The following FGD4 variants were observed in gnomAD, a reference collection of about 807,000 sequenced individuals.
FGD4 encodes the protein FYVE, RhoGEF and PH domain containing 4.
In FGD4, 42 loss-of-function variants were observed where a neutral mutation model predicts 102.0. That is an observed-to-expected ratio of 0.41 (90% CI 0.32 to 0.53). The LOEUF is 0.53. FGD4 is among the 20% of genes least tolerant of loss of function. The pLI is 0.21. For missense variants in FGD4, 902 were observed against 1,078.2 expected (o/e 0.84, Z 2.29); for synonymous variants, 380 against 375.7 (o/e 1.01, Z -0.13).
chr12:32,602,469 T>A (rs1191746842), intron 7 of FGD4, 152 bp downstream of exon 7: 1 of 827,468 alleles, frequency 1.2e-6, no homozygotes, highest in Non-Finnish European at 2.0e-6. Flanking sequence ...TCTGCAATGC[T>A]GAAATACGTA....
chr12:32,619,553 A>C, intron 10 of FGD4, 145 bp from the exon 11 acceptor site: 83 of 811,250 alleles, frequency 1.0e-4, no homozygotes, highest in Non-Finnish European at 1.3e-4. Context: ...AATGGCGTGA[A>C]CCCGGGAGGC....
chr12:32,638,460 A>AT (rs1359816304), intron 15 of FGD4, among the ~76,000 whole-genome samples, 195 bp from the exon 16 acceptor site: 1 of 152,234 alleles, frequency 6.6e-6, no homozygotes, highest in African/African-American at 2.4e-5. Flanking sequence ...AACTCTTTAA[A>AT]TTCAAGGTCT....
chr12:32,620,037 C>G (rs1949709777), intron 11 of FGD4, among the ~76,000 whole-genome samples, 167 bp downstream of exon 11: 1 of 152,192 alleles, frequency 6.6e-6, no homozygotes, highest in African/African-American at 2.4e-5. Flanking sequence ...GGAGTCATGT[C>G]TCCCCTCTCT....
At chr12:32,593,906 A>G (rs1228431158) in intron 4 of FGD4, among the ~76,000 whole-genome samples, 2 of 152,224 alleles carry the variant, frequency 1.3e-5, no homozygotes, top group Admixed American at 1.3e-4. Flanking sequence ...TGTATTTCAA[A>G]TGAATTTTGC....
chr12:32,620,058 A>G (rs902936468), intron 11 of FGD4, among the ~76,000 whole-genome samples, 188 bp downstream of exon 11: 1 of 152,206 alleles, frequency 6.6e-6, no homozygotes, highest in African/African-American at 2.4e-5. Context: ...TGATTCCTCC[A>G]TAGTGCCTAG....
chr12:32,510,683 A>AATT (rs1440263654), intron 1 of FGD4, among the ~76,000 whole-genome samples: 1 of 152,194 alleles, frequency 6.6e-6, no homozygotes, highest in Non-Finnish European at 1.5e-5. Flanking sequence ...ATTTCCTAGT[A>AATT]ATTAGACTGT....
intron 1 of FGD4, among the ~76,000 whole-genome samples, chr12:32,451,006 C>G (rs892416522): frequency 1.3e-5 from 2 of 152,186 alleles, no homozygotes; most frequent in African/African-American, 4.8e-5. Context: ...ATGGACACAC[C>G]CTCCTCACTT....
intron 1 of FGD4, among the ~76,000 whole-genome samples, chr12:32,538,124 C>T (rs1942466275): frequency 1.3e-5 from 2 of 152,178 alleles, no homozygotes; most frequent in African/African-American, 4.8e-5. Context: ...TCTCGAACTC[C>T]TGAGCTCAAG....
intron 4 of FGD4, among the ~76,000 whole-genome samples, chr12:32,589,114 G>A (rs1947273586): frequency 6.6e-6 from 1 of 152,188 alleles, no homozygotes; most frequent in African/African-American, 2.4e-5. Flanking sequence ...GTAACATTAT[G>A]AGGTATAGAT....
At chr12:32,537,956 C>A (rs1032128992) in intron 1 of FGD4, among the ~76,000 whole-genome samples, 3 of 152,094 alleles carry the variant, frequency 2.0e-5, no homozygotes, top group Non-Finnish European at 4.4e-5. Flanking sequence ...AGTGCAGTGG[C>A]GCAGTCTTGG....
rs139344637 is a variant in FGD4, at chr12:32,582,677, A to G, written c.1011+210A>G. The G allele has an allele frequency of 8.1e-4, 502 of 620,800 alleles. 3 individuals carry two copies. In the African/African-American group the frequency reaches 8.3e-3, roughly 10 times the overall value. 38.5% of individuals were successfully genotyped at this position (620,800 alleles called of 1,614,324 possible). A position where few individuals can be genotyped will look rare whatever the true frequency, so the allele number is the denominator to read the frequency against. On this transcript the variant is annotated intron_variant, in intron 4 of 16. Transcript: ENST00000534526. ...TTCTTTTCATGTAGTTTCTGTTAAT[A>G]TCTCTGTTGTAATTTCAGGAGTCAG...
intron 1 of FGD4, 120 bp downstream of exon 1, chr12:32,400,079 A>G: frequency 7.4e-7 from 1 of 1,345,340 alleles, no homozygotes. Context: ...CTGGTTCGGG[A>G]GGTTCATTGT....
At position 32,602,255 on chromosome 12, in the gene FGD4, G is replaced by A; in HGVS notation, c.1342G>A (p.Glu448Lys). Residue 448 changes from glutamate (E) to lysine (K), a missense_variant, in exon 7 of 17, where the codon GAA becomes AAA. Physicochemically the swap from Glu to Lys is moderately conservative, Grantham distance 56. Coordinates refer to ENST00000534526, the MANE Select transcript of FGD4 (RefSeq NM_001370298.3). Reference protein sequence around the residue: ...EYVKGFDNAMELVKNMTERIP... With the variant: ...EYVKGFDNAMKLVKNMTERIP... ...TGTGAAAGGATTTGATAATGCAATGGAATTGGTTAAAAACATGACAGAACG... is the reference window on the plus strand; with the variant it reads ...TGTGAAAGGATTTGATAATGCAATGAAATTGGTTAAAAACATGACAGAACG... The A allele has an allele frequency of 6.2e-7, 1 of 1,614,166 alleles. No individual in the cohort carries two copies. Among genetic ancestry groups the A allele is most frequent in the Non-Finnish European group, 8.5e-7 (1 of 1,180,026 alleles).
intron 1 of FGD4, among the ~76,000 whole-genome samples, chr12:32,443,276 G>A (rs749134183): frequency 1.3e-5 from 2 of 152,184 alleles, no homozygotes; most frequent in Non-Finnish European, 2.9e-5. Flanking sequence ...TGTAGTTCCA[G>A]CTACTTGAGA....
At chr12:32,473,331 T>G (rs10743792) in intron 1 of FGD4, among the ~76,000 whole-genome samples, 56,319 of 150,776 alleles carry the variant, frequency 0.37, 11,455 homozygotes, top group South Asian at 0.52. Flanking sequence ...TTTGGGTCCA[T>G]GCTGCTTTTA....
intron 15 of FGD4, among the ~76,000 whole-genome samples, chr12:32,634,337 G>A (rs1357755655): frequency 3.3e-5 from 5 of 152,112 alleles, no homozygotes; most frequent in Admixed American, 2.6e-4. Context: ...TTAGATAAAA[G>A]TGCTATTACC....
intron 1 of FGD4, among the ~76,000 whole-genome samples, chr12:32,491,360 A>C (rs1592003956): frequency 6.6e-6 from 1 of 152,168 alleles, no homozygotes; most frequent in South Asian, 2.1e-4. Flanking sequence ...CAGGAACCAC[A>C]CTTTGACAAT....
At chr12:32,561,398 T>C (rs1944580945) in intron 1 of FGD4, among the ~76,000 whole-genome samples, 1 of 152,236 alleles carries the variant, frequency 6.6e-6, no homozygotes, top group African/African-American at 2.4e-5. Flanking sequence ...AAATGTGGTT[T>C]CTAATCAATA....
intron 11 of FGD4, among the ~76,000 whole-genome samples, chr12:32,622,188 T>C (rs1370062815): frequency 1.3e-5 from 2 of 152,132 alleles, no homozygotes; most frequent in African/African-American, 4.8e-5. Context: ...TCCAGCCTCA[T>C]CAGTAGTTCT....
Sources: allele counts gnomAD v4.1 joint callset (sites outside exome capture counted in the v4.1 genomes callset), GRCh38; gene constraint gnomAD v4.1.1; transcripts MANE v1.5; gene names NCBI Gene and HGNC (gene_info 2026-07-23, HGNC 2026-07-21).